SLC44A5: variants seen among roughly 807,000 people sequenced by gnomAD.
The protein encoded by SLC44A5 is choline transporter-like protein 5.
Under a neutral mutation model 101.8 loss-of-function variants are expected in SLC44A5, and 57 were observed. That is an observed-to-expected ratio of 0.56 (90% CI 0.45 to 0.70). The LOEUF is 0.70. SLC44A5 is among the 30% of genes least tolerant of loss of function. The probability of loss-of-function intolerance (pLI) is 0.00; values close to 1 mark genes in which losing one functional copy is unlikely to be tolerated. For missense variants in SLC44A5, 737 were observed against 853.1 expected, an observed-to-expected ratio of 0.86 and a Z score of 1.70; for synonymous variants, 281 against 290.9, an observed-to-expected ratio of 0.97 and a Z score of 0.35.
chr1:75,539,172 C>T (rs1158622437), intron 2 of SLC44A5, among the ~76,000 whole-genome samples: 1 of 152,140 alleles, frequency 6.6e-6, no homozygotes, highest in African/African-American at 2.4e-5. Context: ...CATAAAAAGT[C>T]CTAAACTTAC....
chr1:75,433,391 C>T (rs1338977946), intron 2 of SLC44A5, among the ~76,000 whole-genome samples: 1 of 152,108 alleles, frequency 6.6e-6, no homozygotes, highest in Non-Finnish European at 1.5e-5. Context: ...CTCTACACAG[C>T]ATTTGATATT....
chr1:75,705,369 T>A, the SLC44A5 span, among the ~76,000 whole-genome samples: 1 of 152,188 alleles, frequency 6.6e-6, no homozygotes, highest in Non-Finnish European at 1.5e-5. Context: ...ATGATAAGAC[T>A]CACCTATTTC....
the SLC44A5 span, among the ~76,000 whole-genome samples, chr1:75,721,177 A>G: frequency 2.0e-5 from 3 of 152,198 alleles, no homozygotes; most frequent in African/African-American, 7.2e-5. Context: ...CATGGCCTGA[A>G]GTAGTCTTTC....
intron 3 of SLC44A5, among the ~76,000 whole-genome samples, chr1:75,348,934 C>T (rs747240609): frequency 2.0e-5 from 3 of 152,040 alleles, no homozygotes; most frequent in Non-Finnish European, 4.4e-5. Flanking sequence ...ATGTAAAACT[C>T]GGTAGATAAA....
rs1015591623 is a variant in SLC44A5, at chr1:75,325,718, C to T, written c.101+13864G>A. Among the ~76,000 whole-genome samples the T allele has an allele frequency of 2.0e-5, 3 of 151,016 alleles. No homozygotes were observed. The East Asian group carries it at 5.9e-4, about 30-fold the overall frequency. On this transcript the variant is annotated intron_variant, in intron 4 of 23. Transcript: ENST00000370859. ...TATGTATGTATAGGAAAATGCATAG[C>T]ATATGTTTCAAGCATCCACTGAGGG...
chr1:75,488,208 A>T (rs1049808958), intron 2 of SLC44A5, among the ~76,000 whole-genome samples: 4 of 152,192 alleles, frequency 2.6e-5, no homozygotes, highest in African/African-American at 9.7e-5. Context: ...ATGCCAAATG[A>T]ATATAATGTG....
chr1:75,235,970 C>T (rs1648041621), intron 11 of SLC44A5, among the ~76,000 whole-genome samples: 1 of 151,938 alleles, frequency 6.6e-6, no homozygotes, highest in African/African-American at 2.4e-5. Flanking sequence ...CACATGTACA[C>T]ACATGATGGG....
chr1:75,558,899 G>T (rs1297125576), intron 1 of SLC44A5, among the ~76,000 whole-genome samples: 1 of 152,004 alleles, frequency 6.6e-6, no homozygotes, highest in Non-Finnish European at 1.5e-5. Context: ...TTACTGATGA[G>T]ACTCAAACAA....
At chr1:75,697,505 G>C in the SLC44A5 span, among the ~76,000 whole-genome samples, 1 of 152,134 alleles carries the variant, frequency 6.6e-6, no homozygotes. Flanking sequence ...TAGAAAAGTA[G>C]GCCAGGTGCA....
At chr1:75,434,382 T>C (rs1664773505) in intron 2 of SLC44A5, among the ~76,000 whole-genome samples, 1 of 152,168 alleles carries the variant, frequency 6.6e-6, no homozygotes, top group Non-Finnish European at 1.5e-5. Flanking sequence ...CTGATCTCTC[T>C]GCCTCCAATC....
chr1:75,214,941 C>G (rs1483577067), intron 19 of SLC44A5, among the ~76,000 whole-genome samples: 1 of 152,124 alleles, frequency 6.6e-6, no homozygotes, highest in Non-Finnish European at 1.5e-5. Flanking sequence ...AGAGGCAGCT[C>G]TTTTTCCCAA....
intron 1 of SLC44A5, among the ~76,000 whole-genome samples, chr1:75,602,476 G>A (rs1055321266): frequency 1.3e-5 from 2 of 152,088 alleles, no homozygotes; most frequent in African/African-American, 4.8e-5. Context: ...CCAAAGCTGT[G>A]CTTTATAATT....
At chr1:75,301,719 C>T (rs894240552) in intron 4 of SLC44A5, among the ~76,000 whole-genome samples, 1 of 152,082 alleles carries the variant, frequency 6.6e-6, no homozygotes, top group African/African-American at 2.4e-5. Context: ...AGAAACATAA[C>T]CTTGAGAGAT....
intron 2 of SLC44A5, among the ~76,000 whole-genome samples, chr1:75,443,337 A>G (rs1557788598): frequency 6.6e-6 from 1 of 152,052 alleles, no homozygotes; most frequent in Non-Finnish European, 1.5e-5. Context: ...CCTCAGAAAG[A>G]CTAAAAGCTT....
At chr1:75,600,942 G>A (rs55834935) in intron 1 of SLC44A5, among the ~76,000 whole-genome samples, 2,010 of 152,290 alleles carry the variant, frequency 0.013, 19 homozygotes, top group Non-Finnish European at 0.02. Context: ...GCATGACTGT[G>A]TATAAAGAGA....
intron 5 of SLC44A5, among the ~76,000 whole-genome samples, chr1:75,286,651 C>A (rs1557622845): frequency 6.6e-6 from 1 of 152,122 alleles, no homozygotes; most frequent in East Asian, 1.9e-4. Context: ...TTGAGCAGTT[C>A]TTGTCATGCT....
chr1:75,538,278 AT>A (rs1274552551), intron 2 of SLC44A5, among the ~76,000 whole-genome samples: 7 of 152,160 alleles, frequency 4.6e-5, no homozygotes, highest in African/African-American at 1.4e-4. Context: ...TTATGATATA[AT>A]TTTTAACCTT....
chr1:75,229,139 A>G (rs926913599), intron 12 of SLC44A5, among the ~76,000 whole-genome samples: 4 of 151,928 alleles, frequency 2.6e-5, no homozygotes, highest in Non-Finnish European at 4.4e-5. Context: ...CAGCTATTAT[A>G]CAAATAAAAG....
At chr1:75,285,947 G>T (rs1653003579) in intron 5 of SLC44A5, among the ~76,000 whole-genome samples, 2 of 152,064 alleles carry the variant, frequency 1.3e-5, no homozygotes, top group Non-Finnish European at 2.9e-5. Flanking sequence ...ATATTCTGCA[G>T]TTGTTGGGTA....
Sources: allele counts gnomAD v4.1 joint callset (sites outside exome capture counted in the v4.1 genomes callset), GRCh38; gene constraint gnomAD v4.1.1; transcripts MANE v1.5; gene names NCBI Gene and HGNC (gene_info 2026-07-23, HGNC 2026-07-21).